The following AGBL3 variants were observed in gnomAD, a reference collection of about 807,000 sequenced individuals.
AGBL3 encodes the protein cytosolic carboxypeptidase 3.
Under a neutral mutation model 94.5 loss-of-function variants are expected in AGBL3, and 68 were observed. That is an observed-to-expected ratio of 0.72 (90% CI 0.59 to 0.88). AGBL3 has a LOEUF of 0.88. AGBL3 is among the 40% of genes least tolerant of loss of function. The pLI, the probability that AGBL3 is intolerant of heterozygous loss-of-function variation, is 0.00. For missense variants in AGBL3, 934 were observed against 1,103.8 expected (o/e 0.85, Z 2.18); for synonymous variants, 354 against 370.7 (o/e 0.95, Z 0.52).
chr7:135,031,927 G>C (rs1441182675), intron 5 of AGBL3, among the ~76,000 whole-genome samples: 1 of 152,142 alleles, frequency 6.6e-6, no homozygotes, highest in African/African-American at 2.4e-5. Flanking sequence ...CAAGGACTAG[G>C]AAACCGCTAT....
chr7:135,039,191 ATAAT>A (rs1425073117), intron 8 of AGBL3, among the ~76,000 whole-genome samples: 1 of 152,208 alleles, frequency 6.6e-6, no homozygotes, highest in East Asian at 1.9e-4. Context: ...CAAATTTAAA[ATAAT>A]TAATATCACA....
intron 11 of AGBL3, among the ~76,000 whole-genome samples, chr7:135,055,616 T>C (rs1179341593): frequency 6.6e-6 from 1 of 152,238 alleles, no homozygotes; most frequent in Non-Finnish European, 1.5e-5. Flanking sequence ...TAAATCCTAT[T>C]TGGTCATGGT....
chr7:135,059,613 AC>A (rs1818649194), intron 12 of AGBL3, among the ~76,000 whole-genome samples: 1 of 152,246 alleles, frequency 6.6e-6, no homozygotes, highest in Non-Finnish European at 1.5e-5. Flanking sequence ...AGAGCAGTCA[AC>A]AAAATGAGAC....
At chr7:135,057,671 T>C (rs151223147) in intron 11 of AGBL3, among the ~76,000 whole-genome samples, 3 of 152,138 alleles carry the variant, frequency 2.0e-5, no homozygotes, top group African/African-American at 7.2e-5. Context: ...GATCCAGCAA[T>C]TGCATTCATA....
intron 15 of AGBL3, among the ~76,000 whole-genome samples, chr7:135,096,584 C>T (rs4035026): frequency 2.3e-5 from 2 of 88,816 alleles, no homozygotes; most frequent in African/African-American, 7.9e-5. Flanking sequence ...TAGATAGATA[C>T]ATAGATAGAT....
At chr7:134,992,886 G>A (rs1810472511) in intron 3 of AGBL3, among the ~76,000 whole-genome samples, 1 of 152,168 alleles carries the variant, frequency 6.6e-6, no homozygotes, top group Admixed American at 6.5e-5. Context: ...TGGAAGGGAG[G>A]GGGAAACCCA....
In AGBL3 at chr7:135,134,715, TCTTAAA is replaced by T. The variant is rs977025978; in HGVS notation, c.2343-122_2343-117del. On this transcript the variant is annotated intron_variant, in intron 16 of 16. Coordinates refer to ENST00000436302, the MANE Select transcript of AGBL3 (RefSeq NM_178563.4). ...GAAGACTTCTAAATGATGGTAAAAT[TCTTAAA>T]CTTTAAGAAGTTATGAACTTACTAA... The T allele has an allele frequency of 5.5e-6, 5 of 905,612 alleles. No homozygotes were observed. The African/African-American group carries it at 8.4e-5, about 15-fold the overall frequency. 56.1% of individuals were successfully genotyped at this position (905,612 alleles called of 1,614,324 possible).
intron 14 of AGBL3, among the ~76,000 whole-genome samples, chr7:135,080,943 C>CAT (rs66496746): frequency 2.1e-5 from 3 of 139,974 alleles, no homozygotes; most frequent in African/African-American, 3.2e-5. Flanking sequence ...AACCTAATTA[C>CAT]ACACACACAC....
Position 135,057,465 on chromosome 7 carries a change from C to T in AGBL3, c.1842-1704C>T, listed in dbSNP as rs541979475. ...TGCCATCATTTTCATTAGGGAATTG[C>T]AGACTAAAACAACAGTGAAATATCA... On this transcript the variant is annotated intron_variant, in intron 11 of 16. Transcript: ENST00000436302. Among the ~76,000 whole-genome samples the T allele has an allele frequency of 7.2e-5, 11 of 152,002 alleles. No homozygotes were observed. The East Asian group carries it at 1.9e-3, about 27-fold the overall frequency.
intron 15 of AGBL3, among the ~76,000 whole-genome samples, chr7:135,094,854 G>C (rs1472732737): frequency 6.6e-6 from 1 of 152,174 alleles, no homozygotes; most frequent in Non-Finnish European, 1.5e-5. Flanking sequence ...AACAAAGAAG[G>C]CTTTAATCAT....
intron 15 of AGBL3, chr7:135,101,105 A>G (rs1198276150): frequency 2.2e-6 from 1 of 449,966 alleles, no homozygotes; most frequent in Non-Finnish European, 4.5e-6. Flanking sequence ...TCAGAGTCAT[A>G]GCAAAGACCA....
At chr7:135,025,893 A>G (rs989255268) in intron 5 of AGBL3, among the ~76,000 whole-genome samples, 5 of 126,174 alleles carry the variant, frequency 4.0e-5, no homozygotes, top group Non-Finnish European at 8.3e-5. Context: ...TATCCTAAAT[A>G]TATATAAACC....
At chr7:135,051,488 C>T (rs949724487) in intron 11 of AGBL3, among the ~76,000 whole-genome samples, 2 of 152,040 alleles carry the variant, frequency 1.3e-5, no homozygotes, top group African/African-American at 4.8e-5. Context: ...TTGTACATTT[C>T]CTGCACCAGA....
At chr7:135,119,200 A>G (rs1278169087) in intron 16 of AGBL3, among the ~76,000 whole-genome samples, 1 of 152,114 alleles carries the variant, frequency 6.6e-6, no homozygotes, top group Non-Finnish European at 1.5e-5. Flanking sequence ...GGATACACCC[A>G]AAGAAATTCA....
At chr7:135,064,240 G>T (rs1294762176) in intron 12 of AGBL3, among the ~76,000 whole-genome samples, 1 of 152,184 alleles carries the variant, frequency 6.6e-6, no homozygotes, top group Non-Finnish European at 1.5e-5. Context: ...GAGCATATCT[G>T]TCATTTTCTA....
rs985571753 is a variant in AGBL3 at position 135,122,854 on chromosome 7, A to G, written c.2342+7243A>G. On this transcript the variant is annotated intron_variant, in intron 16 of 16. Transcript: ENST00000436302. ...AGAAAGCAACAACAACAGTATCAAC[A>G]ACAACAAACAAGCCCCCAGAAAAAC... Among the ~76,000 whole-genome samples the G allele has an allele frequency of 3.3e-5, 5 of 152,306 alleles. No homozygotes were observed. In the Middle Eastern group the frequency reaches 0.014, roughly 414 times the overall value.
intron 12 of AGBL3, among the ~76,000 whole-genome samples, chr7:135,071,834 T>C (rs577057969): frequency 1.1e-3 from 163 of 152,286 alleles, no homozygotes; most frequent in Middle Eastern, 3.4e-3. Flanking sequence ...GGCAATACCA[T>C]TCAGGACGTA....
chr7:135,107,783 C>G (rs942229131), intron 15 of AGBL3, among the ~76,000 whole-genome samples: 1 of 151,970 alleles, frequency 6.6e-6, no homozygotes, highest in African/African-American at 2.4e-5. Flanking sequence ...GAATTTTCTG[C>G]CTTGGTGATC....
chr7:135,105,842 T>C (rs1392432627), intron 15 of AGBL3, among the ~76,000 whole-genome samples: 3 of 152,248 alleles, frequency 2.0e-5, no homozygotes, highest in Non-Finnish European at 4.4e-5. Context: ...TATGACCATT[T>C]TAATGACATT....
Sources: gnomAD v4.1 joint callset for allele counts (sites outside exome capture counted in the v4.1 genomes callset) on GRCh38, gnomAD v4.1.1 for gene constraint, MANE v1.5 for transcripts, NCBI Gene and HGNC (gene_info 2026-07-23, HGNC 2026-07-21) for gene names.